The following LRRC42 variants were observed in gnomAD, a reference collection of about 807,000 sequenced individuals.
LRRC42 encodes leucine rich repeat containing 42.
Under a neutral mutation model 44.3 loss-of-function variants are expected in LRRC42, and 43 were observed. The observed-to-expected ratio is 0.97, with a 90% confidence interval of 0.76 to 1.25. LRRC42 has a LOEUF of 1.25. LRRC42 is among the 50% of genes most tolerant of loss of function. LRRC42 has a pLI of 0.00. For synonymous variants in LRRC42, 207 were observed against 195.2 expected (o/e 1.06, Z -0.50); for missense variants, 540 against 509.1 (o/e 1.06, Z -0.58).
At chr1:53,957,080 G>A (rs948076879) in intron 3 of LRRC42, among the ~76,000 whole-genome samples, 4 of 152,170 alleles carry the variant, frequency 2.6e-5, no homozygotes, top group African/African-American at 9.7e-5. Flanking sequence ...ATTAGTTTGA[G>A]TACATCTTTT....
intron 2 of LRRC42, among the ~76,000 whole-genome samples, chr1:53,948,989 C>T (rs1654599507): frequency 6.6e-6 from 1 of 152,116 alleles, no homozygotes; most frequent in Non-Finnish European, 1.5e-5. Flanking sequence ...CCTCCAGTGG[C>T]TTCTGGACAA....
chr1:53,957,555 A>G (rs561865089), intron 3 of LRRC42, among the ~76,000 whole-genome samples: 6 of 152,342 alleles, frequency 3.9e-5, no homozygotes, highest in South Asian at 2.1e-4. Context: ...CTTAATATCC[A>G]TCTAGACTGG....
intron 5 of LRRC42, 88 bp downstream of exon 5, chr1:53,960,562 G>A: frequency 9.9e-7 from 1 of 1,013,252 alleles, no homozygotes; most frequent in Non-Finnish European, 1.4e-6. Context: ...TTTTAGAGGT[G>A]AGAAAGGAAA....
intron 3 of LRRC42, among the ~76,000 whole-genome samples, chr1:53,953,795 G>A (rs1439334332): frequency 3.3e-5 from 5 of 150,838 alleles, no homozygotes; most frequent in African/African-American, 7.3e-5. Flanking sequence ...GCAATGGCGC[G>A]ATCTCAGCTC....
In LRRC42 at chr1:53,960,467, C is replaced by T. The variant is rs539369488; in HGVS notation, c.717C>T (p.Asp239=). The T allele has an allele frequency of 1.3e-6, 2 of 1,598,534 alleles. No homozygotes were observed. The highest frequency in any genetic ancestry group is 8.6e-7 in the Non-Finnish European group (1 of 1,168,100). The change falls in exon 5 of 9, where the codon GAC becomes GAT. Residue 239 remains aspartate (D), a synonymous_variant. Transcript: ENST00000371370. ...GCCTTGAGAATCTAACATTATTAGA[C>T]TTATCATGTAAGTTTTCTTCGAAAT... The part of the protein sequence containing the change: ...KRGLENLTLL[D]LSCNPEITDA...
chr1:53,951,884 C>A, intron 2 of LRRC42, 102 bp from the exon 3 acceptor site: 4 of 955,318 alleles, frequency 4.2e-6, no homozygotes, highest in Non-Finnish European at 4.6e-6. Flanking sequence ...AGCCACCAGG[C>A]CTGCCTGGTA....
chr1:53,957,694 G>A (rs927986413), intron 3 of LRRC42, among the ~76,000 whole-genome samples: 2 of 152,198 alleles, frequency 1.3e-5, no homozygotes, highest in Non-Finnish European at 2.9e-5. Context: ...TTGGGGACAT[G>A]CAGATTGGAA....
rs374402476 is a variant in LRRC42 at position 53,952,336 on chromosome 1, C to G, written c.337C>G (p.Gln113Glu). The G allele has an allele frequency of 6.2e-7, 1 of 1,614,056 alleles. No homozygotes were observed. The stretch of plus-strand genomic sequence containing the variant: ...TGATTCCCTTATTGGCTTTCCTGAG[C>G]AGATTGCTGAAAAGCTGTTCTCTGC... ...HIDSLIGFPE[Q>E]IAEKLFSAAE... The change falls in exon 3 of 9, where the codon CAG becomes GAG. Residue 113 changes from glutamine to glutamate, a missense_variant. Gln to Glu is a conservative substitution (Grantham distance 29). Coordinates refer to ENST00000371370, the MANE Select transcript of LRRC42 (RefSeq NM_001256409.2).
In LRRC42 at chr1:53,952,169, T is replaced by G. The variant is rs1002308931; in HGVS notation, c.170T>G (p.Met57Arg). ...FPKGFSVELC[M>R]NREDDTARKE... is the part of the protein sequence containing the mutation. The stretch of plus-strand genomic sequence containing the variant: ...AAAGGCTTTTCTGTGGAGCTTTGCA[T>G]GAACAGGGAAGACGACACTGCACGG... Residue 57 changes from methionine (M) to arginine (R), a missense_variant, in exon 3 of 9, where the codon ATG becomes AGG. By Grantham distance (91) the Met-to-Arg change is moderately conservative. Transcript: ENST00000371370. 3 of 1,614,160 alleles carry G rather than the reference T, an allele frequency of 1.9e-6. No individual in the cohort carries two copies. The highest frequency in any genetic ancestry group is 1.7e-6 in the Non-Finnish European group (2 of 1,180,008).
At chr1:53,953,019 AT>A (rs966723736) in intron 3 of LRRC42, among the ~76,000 whole-genome samples, 6 of 152,242 alleles carry the variant, frequency 3.9e-5, no homozygotes, top group African/African-American at 1.4e-4. Flanking sequence ...TTTATTTAAA[AT>A]TTTTACTTTA....
intron 3 of LRRC42, 114 bp downstream of exon 3, chr1:53,952,586 C>A: frequency 1.3e-6 from 1 of 799,186 alleles, no homozygotes; most frequent in Non-Finnish European, 1.9e-6. Flanking sequence ...CAGTTTAGAA[C>A]TTCCAAATAT....
At chr1:53,959,919 CT>C (rs767888306) in intron 4 of LRRC42, among the ~76,000 whole-genome samples, 1,855 of 136,442 alleles carry the variant, frequency 0.014, 13 homozygotes, top group African/African-American at 0.033. Flanking sequence ...ACCAAAAAAT[CT>C]TTTTTTTTTT....
Position 53,960,369 on chromosome 1 carries a change from CA to C in LRRC42, c.620del (p.His207ProfsTer2). On this transcript the variant is annotated frameshift_variant, in exon 5 of 9. Coordinates refer to ENST00000371370, the MANE Select transcript of LRRC42 (RefSeq NM_001256409.2). LOFTEE classifies it high-confidence loss of function. ...NEALSSVTQL[H>X]LKDNCLSDAG... ...TTGTTTCCCTAGTGTAACTCAGCTCCACCTGAAGGATAATTGTTTATCTGAT... is the reference window on the plus strand; with the variant it reads ...TTGTTTCCCTAGTGTAACTCAGCTCCCCTGAAGGATAATTGTTTATCTGAT... The C allele has an allele frequency of 6.2e-7, 1 of 1,612,632 alleles. No individual in the cohort carries two copies. Among genetic ancestry groups the C allele is most frequent in the Non-Finnish European group, 8.5e-7 (1 of 1,179,520 alleles).
At chr1:53,954,916 C>T (rs940587157) in intron 3 of LRRC42, among the ~76,000 whole-genome samples, 3 of 152,154 alleles carry the variant, frequency 2.0e-5, no homozygotes, top group African/African-American at 7.2e-5. Flanking sequence ...CTATTCTGAT[C>T]CCTAATGTAA....
chr1:53,951,939 A>G, intron 2 of LRRC42, 47 bp from the exon 3 acceptor site: 1 of 1,412,880 alleles, frequency 7.1e-7, no homozygotes, highest in Non-Finnish European at 9.7e-7. Context: ...TACATGTTAC[A>G]AATGGCATTT....
intron 7 of LRRC42, 112 bp downstream of exon 7, chr1:53,962,521 T>G: frequency 2.8e-6 from 2 of 713,684 alleles, no homozygotes; most frequent in South Asian, 3.4e-5. Flanking sequence ...TTGGTTAAAT[T>G]GTCATCTTCA....
chr1:53,960,858 T>C (rs1276452870), intron 5 of LRRC42, among the ~76,000 whole-genome samples: 3 of 152,214 alleles, frequency 2.0e-5, no homozygotes, highest in Admixed American at 6.5e-5. Context: ...GATGAAAAGC[T>C]GGATGAACGG....
chr1:53,958,401 C>T, intron 4 of LRRC42, 121 bp downstream of exon 4: 1 of 1,302,286 alleles, frequency 7.7e-7, no homozygotes, highest in Non-Finnish European at 1.1e-6. Flanking sequence ...GCTTTTTTTT[C>T]CTAAAACATT....
At chr1:53,956,228 G>A (rs993624560) in intron 3 of LRRC42, among the ~76,000 whole-genome samples, 1 of 152,198 alleles carries the variant, frequency 6.6e-6, no homozygotes, top group Non-Finnish European at 1.5e-5. Context: ...AAAGCTACCT[G>A]CCAGAAGCAA....
Sources: allele counts gnomAD v4.1 joint callset (sites outside exome capture counted in the v4.1 genomes callset), GRCh38; gene constraint gnomAD v4.1.1; transcripts MANE v1.5; gene names NCBI Gene and HGNC (gene_info 2026-07-23, HGNC 2026-07-21).